WWOX: variants seen among roughly 807,000 people sequenced by gnomAD.
WWOX encodes the protein WW domain containing oxidoreductase.
Under a neutral mutation model 46.2 loss-of-function variants are expected in WWOX, and 69 were observed. The ratio of observed to expected loss-of-function variants is 1.49; its 90% CI spans 1.23 to 1.82. The LOEUF is 1.82. WWOX is among the 40% of genes most tolerant of loss of function. WWOX has a pLI of 0.00. For missense variants in WWOX, 919 were observed against 542.6 expected, an observed-to-expected ratio of 1.69 and a Z score of -6.89; for synonymous variants, 359 against 202.6, an observed-to-expected ratio of 1.77 and a Z score of -6.56.
At chr16:78,648,792 A>C (rs2046902066) in intron 8 of WWOX, among the ~76,000 whole-genome samples, 2 of 152,138 alleles carry the variant, frequency 1.3e-5, no homozygotes, top group African/African-American at 2.4e-5. Flanking sequence ...GCCTCTGCCA[A>C]ACACAACTGA....
rs114589869 is a variant in WWOX at position 78,647,418 on chromosome 16, A to G, written c.1056+214666A>G. 3.3e-3 allele frequency among the ~76,000 whole-genome samples: 508 copies of G among 152,220 alleles called. 2 individuals are homozygous for G. Among genetic ancestry groups the G allele is most frequent in the African/African-American group, 0.012 (480 of 41,538 alleles). ...TTCTGTGGGTCTCCAGGTTTCTATC[A>G]TTACACAGATTAGCACACGGTTCCA... is the stretch of plus-strand genomic sequence containing the variant. On this transcript the variant is annotated intron_variant, in intron 8 of 8. Transcript: ENST00000566780.
intron 8 of WWOX, among the ~76,000 whole-genome samples, chr16:78,624,555 G>C (rs1035704539): frequency 1.3e-5 from 2 of 152,068 alleles, no homozygotes; most frequent in African/African-American, 4.8e-5. Context: ...GGCTGTTTCT[G>C]TATAAACAGA....
intron 6 of WWOX, among the ~76,000 whole-genome samples, chr16:78,422,808 CACAT>C (rs1411030536): frequency 8.5e-6 from 1 of 117,052 alleles, no homozygotes; most frequent in Non-Finnish European, 1.5e-5. Context: ...TATATACACA[CACAT>C]ATATATACAC....
rs2044800595 is a variant in WWOX, at chr16:78,900,377, C to G, written c.1057-311231C>G. On this transcript the variant is annotated intron_variant, in intron 8 of 8. Transcript: ENST00000566780. ...GTATGCACGCTCATATTATTAAAAACTGTGCATGTAATTTGCTGGGCACCC... is the reference window on the plus strand; with the variant it reads ...GTATGCACGCTCATATTATTAAAAAGTGTGCATGTAATTTGCTGGGCACCC... Among the ~76,000 whole-genome samples, 3 of 152,280 alleles carry G rather than the reference C, an allele frequency of 2.0e-5. No homozygotes were observed. The South Asian group carries it at 6.2e-4, about 32-fold the overall frequency.
At chr16:78,153,875 C>T (rs775264992) in intron 4 of WWOX, among the ~76,000 whole-genome samples, 8 of 152,156 alleles carry the variant, frequency 5.3e-5, no homozygotes, top group Non-Finnish European at 1.0e-4. Context: ...TTCCTGGCAT[C>T]GGGGAAAGAA....
intron 8 of WWOX, among the ~76,000 whole-genome samples, chr16:79,000,116 T>C (rs887914486): frequency 1.3e-5 from 2 of 152,154 alleles, no homozygotes; most frequent in African/African-American, 4.8e-5. Flanking sequence ...CTTCCCACCA[T>C]TTGACTGCTG....
At chr16:78,702,213 G>A (rs1476497947) in intron 8 of WWOX, among the ~76,000 whole-genome samples, 1 of 148,868 alleles carries the variant, frequency 6.7e-6, no homozygotes, top group South Asian at 2.1e-4. Context: ...CTGGGAGCTC[G>A]AGGCGGCAGT....
chr16:78,227,534 G>C (rs1160020904), intron 5 of WWOX, among the ~76,000 whole-genome samples: 1 of 152,154 alleles, frequency 6.6e-6, no homozygotes, highest in Non-Finnish European at 1.5e-5. Context: ...GTGTCCACTG[G>C]ACTTCAGTAT....
Position 78,134,287 on chromosome 16 carries a change from C to A in WWOX, c.409+19133C>A, listed in dbSNP as rs552820795. Among the ~76,000 whole-genome samples, 20 of 152,206 alleles carry A rather than the reference C, an allele frequency of 1.3e-4. No individual in the cohort carries two copies. In the East Asian group the frequency reaches 3.7e-3, roughly 28 times the overall value. On this transcript the variant is annotated intron_variant, in intron 4 of 8. Coordinates refer to ENST00000566780, the MANE Select transcript of WWOX (RefSeq NM_016373.4). ...CAGAAGTCTTTCTTTAGAAATTTAA[C>A]CATATTTTTAATGGTGGGCATTGCA... is the stretch of plus-strand genomic sequence containing the variant.
chr16:78,247,037 T>G (rs1475192708), intron 5 of WWOX, among the ~76,000 whole-genome samples: 1 of 152,164 alleles, frequency 6.6e-6, no homozygotes, highest in Admixed American at 6.5e-5. Context: ...CATCTTTCCT[T>G]GAAAGATGTA....
chr16:78,454,670 G>T (rs1329031837), intron 8 of WWOX, among the ~76,000 whole-genome samples: 2 of 142,474 alleles, frequency 1.4e-5, no homozygotes, highest in African/African-American at 5.8e-5. Flanking sequence ...CATACCTGGG[G>T]AATTTTTTTT....
At chr16:78,900,730 C>G (rs928276846) in intron 8 of WWOX, among the ~76,000 whole-genome samples, 1 of 151,824 alleles carries the variant, frequency 6.6e-6, no homozygotes, top group Non-Finnish European at 1.5e-5. Flanking sequence ...TCATAAAAAA[C>G]AATTCTACTA....
chr16:78,208,387 C>G (rs920753709), intron 5 of WWOX, among the ~76,000 whole-genome samples: 1 of 152,028 alleles, frequency 6.6e-6, no homozygotes, highest in Non-Finnish European at 1.5e-5. Flanking sequence ...AAAAACATAC[C>G]GTTACATATG....
At chr16:78,830,458 T>C (rs2051788538) in intron 8 of WWOX, among the ~76,000 whole-genome samples, 1 of 152,036 alleles carries the variant, frequency 6.6e-6, no homozygotes, top group South Asian at 2.1e-4. Context: ...GTAGTACCTA[T>C]CTGACTATTT....
At chr16:78,191,470 TATATC>T (rs1220258634) in intron 5 of WWOX, among the ~76,000 whole-genome samples, 1 of 152,222 alleles carries the variant, frequency 6.6e-6, no homozygotes, top group Non-Finnish European at 1.5e-5. Flanking sequence ...GCCGCCACAA[TATATC>T]AATGTATGGT....
intron 8 of WWOX, among the ~76,000 whole-genome samples, chr16:78,761,413 G>T (rs771431764): frequency 6.6e-6 from 1 of 152,116 alleles, no homozygotes; most frequent in African/African-American, 2.4e-5. Flanking sequence ...TTGTTTACCT[G>T]TTTAGTGCCC....
chr16:78,253,008 C>T (rs755425537), intron 5 of WWOX, among the ~76,000 whole-genome samples: 2 of 152,168 alleles, frequency 1.3e-5, no homozygotes, highest in African/African-American at 4.8e-5. Context: ...CATCTATTTA[C>T]GTAGGCCCTT....
At chr16:79,200,768 G>A (rs943866603) in intron 8 of WWOX, among the ~76,000 whole-genome samples, 1 of 152,134 alleles carries the variant, frequency 6.6e-6, no homozygotes, top group African/African-American at 2.4e-5. Flanking sequence ...TGAAAGGACT[G>A]GCAAGTGCCT....
chr16:78,788,135 G>T lies in WWOX; in HGVS notation c.1056+355383G>T, dbSNP rs147055469. Among the ~76,000 whole-genome samples the T allele has an allele frequency of 5.3e-5, 8 of 152,212 alleles. No homozygotes were observed. The East Asian group carries it at 1.4e-3, about 26-fold the overall frequency. ...TTTATAGTGTCTTTTGATGAACAAA[G>T]ATTTTAAATCTTGATGAAGTCCCCT... On this transcript the variant is annotated intron_variant, in intron 8 of 8. Coordinates refer to ENST00000566780, the MANE Select transcript of WWOX (RefSeq NM_016373.4).
Sources: gnomAD v4.1 joint callset for allele counts (sites outside exome capture counted in the v4.1 genomes callset) on GRCh38, gnomAD v4.1.1 for gene constraint, MANE v1.5 for transcripts, NCBI Gene and HGNC (gene_info 2026-07-23, HGNC 2026-07-21) for gene names.